The following SNX29 variants were observed in gnomAD, a reference collection of about 807,000 sequenced individuals.
SNX29 encodes sorting nexin 29, also known as sorting nexin-29.
In SNX29, 78 loss-of-function variants were observed where a neutral mutation model predicts 102.1. The observed-to-expected ratio is 0.76, with a 90% confidence interval of 0.64 to 0.92. SNX29 has a LOEUF of 0.92. SNX29 is among the 40% of genes least tolerant of loss of function. SNX29 has a pLI of 0.00. For missense variants in SNX29, 1,280 were observed against 1,061.7 expected (o/e 1.21, Z -2.86); for synonymous variants, 580 against 414.5 (o/e 1.40, Z -4.85).
chr16:12,126,701 C>T lies in SNX29; in HGVS notation c.1466+5C>T, dbSNP rs202008381. 5.0e-5 allele frequency: 81 copies of T among 1,613,704 alleles called. No homozygotes were observed. The highest frequency in any genetic ancestry group is 3.0e-4 in the Admixed American group (18 of 59,992). On this transcript the variant is annotated splice_donor_5th_base_variant and intron_variant, in intron 12 of 20. Coordinates refer to ENST00000566228, the MANE Select transcript of SNX29 (RefSeq NM_032167.5). Reference sequence around the variant, plus strand: ...TGAGCTGGAGGAGGAGAACAGGTACCGTGATTTTCAGGCTTGAGGAATAGC... The same window carrying T: ...TGAGCTGGAGGAGGAGAACAGGTACTGTGATTTTCAGGCTTGAGGAATAGC...
In SNX29 at chr16:11,982,187, T is replaced by C. The variant is rs1022742776; in HGVS notation, c.7+5374T>C. ...CAGGAAGAAAGATGCCTGCCAGACA[T>C]GTGTGGGTGGTTATTGTAGGGTGGT... On this transcript the variant is annotated intron_variant, in intron 1 of 20. Coordinates refer to ENST00000566228, the MANE Select transcript of SNX29 (RefSeq NM_032167.5). Among the ~76,000 whole-genome samples the C allele has an allele frequency of 3.3e-5, 5 of 151,872 alleles. No individual in the cohort carries two copies. In the East Asian group the frequency reaches 5.8e-4, roughly 18 times the overall value.
chr16:12,417,180 G>T (rs1490630187), intron 18 of SNX29, among the ~76,000 whole-genome samples: 4 of 152,222 alleles, frequency 2.6e-5, no homozygotes, highest in Admixed American at 6.5e-5. Context: ...GTATCTTACT[G>T]TTTATGAAAC....
At chr16:12,554,127 C>G (rs980744375) in intron 20 of SNX29, among the ~76,000 whole-genome samples, 1 of 152,174 alleles carries the variant, frequency 6.6e-6, no homozygotes, top group African/African-American at 2.4e-5. Context: ...CATGCCCAGC[C>G]TGGATGCTTT....
At chr16:12,495,275 C>A (rs1459287364) in intron 19 of SNX29, among the ~76,000 whole-genome samples, 1 of 152,158 alleles carries the variant, frequency 6.6e-6, no homozygotes, top group Non-Finnish European at 1.5e-5. Context: ...CCTCATCCTC[C>A]CAAGTAGTTG....
chr16:11,982,718 C>G (rs561935660), intron 1 of SNX29, among the ~76,000 whole-genome samples: 3 of 151,190 alleles, frequency 2.0e-5, no homozygotes, highest in Admixed American at 1.3e-4. Context: ...CGTGAGCCAC[C>G]GTGCCCGGTC....
intron 19 of SNX29, among the ~76,000 whole-genome samples, chr16:12,513,254 T>TCTCCC (rs1285992945): frequency 6.9e-6 from 1 of 145,542 alleles, no homozygotes; most frequent in East Asian, 2.1e-4. Context: ...TCTGTCCTCC[T>TCTCCC]CTCCCCTCCC....
intron 19 of SNX29, among the ~76,000 whole-genome samples, chr16:12,516,205 C>T (rs906478684): frequency 1.3e-5 from 2 of 152,082 alleles, no homozygotes; most frequent in African/African-American, 2.4e-5. Context: ...CGAGACCAGG[C>T]GTGGTGGCTC....
chr16:12,560,960 C>T (rs1040793321), intron 20 of SNX29: 1 of 211,954 alleles, frequency 4.7e-6, no homozygotes, highest in Middle Eastern at 1.5e-3. Context: ...AGACCCAGAC[C>T]TGCCTTCAAG....
chr16:12,014,685 T>G (rs1301236514), intron 3 of SNX29, among the ~76,000 whole-genome samples: 1 of 139,510 alleles, frequency 7.2e-6, no homozygotes, highest in Admixed American at 7.9e-5. Context: ...TGAGCCGAGA[T>G]CATGCCATTG....
intron 18 of SNX29, among the ~76,000 whole-genome samples, chr16:12,408,128 C>T (rs535796493): frequency 2.5e-4 from 38 of 150,518 alleles, no homozygotes; most frequent in South Asian, 2.1e-3. Flanking sequence ...ACTGCCACTC[C>T]GGCCTGGGTG....
intron 17 of SNX29, among the ~76,000 whole-genome samples, chr16:12,399,342 G>A (rs949229147): frequency 2.0e-5 from 3 of 152,276 alleles, no homozygotes; most frequent in African/African-American, 4.8e-5. Context: ...GGGAGCCACC[G>A]TGCCCAGCCG....
At chr16:12,306,510 G>C (rs780966862) in intron 15 of SNX29, among the ~76,000 whole-genome samples, 1 of 152,138 alleles carries the variant, frequency 6.6e-6, no homozygotes, top group Non-Finnish European at 1.5e-5. Context: ...GAGAATTAGC[G>C]TATTACAGAG....
Position 12,027,371 on chromosome 16 carries a change from G to A in SNX29, c.174G>A (p.Lys58=). The A allele has an allele frequency of 6.2e-7, 1 of 1,614,178 alleles. No homozygotes were observed. The highest frequency in any genetic ancestry group is 8.5e-7 in the Non-Finnish European group (1 of 1,180,014). Residue 58 remains lysine (K), a synonymous_variant, in exon 4 of 21, where the codon AAG becomes AAA. Coordinates refer to ENST00000566228, the MANE Select transcript of SNX29 (RefSeq NM_032167.5). ...AAGCCGTCCTGCAGCATGGCTTGAA[G>A]AGGAGTCGAGGATTGGCACTCACAG... ...QFEAVLQHGL[K]RSRGLALTAA...
intron 20 of SNX29, among the ~76,000 whole-genome samples, chr16:12,535,642 G>T (rs556703597): frequency 1.6e-4 from 25 of 152,294 alleles, no homozygotes; most frequent in African/African-American, 6.0e-4. Context: ...AGCACTTACA[G>T]AGCAGTCTTG....
intron 20 of SNX29, among the ~76,000 whole-genome samples, chr16:12,561,569 G>A (rs1009152371): frequency 6.6e-6 from 1 of 152,060 alleles, no homozygotes; most frequent in Admixed American, 6.5e-5. Context: ...AGTTGAGGCT[G>A]TCCGATTAAT....
At chr16:12,511,156 C>G (rs1340554951) in intron 19 of SNX29, among the ~76,000 whole-genome samples, 3 of 152,214 alleles carry the variant, frequency 2.0e-5, no homozygotes, top group African/African-American at 7.2e-5. Context: ...TATTTTGGTT[C>G]ACCCTATGTG....
Position 12,416,013 on chromosome 16 carries a change from C to T in SNX29, c.2037+12484C>T, listed in dbSNP as rs574877171. ...CTGAATGTGGCCAGGGCCGTACTGTCAGACACATGCATCTGCCTCAGTTAA... is the reference window on the plus strand; with the variant it reads ...CTGAATGTGGCCAGGGCCGTACTGTTAGACACATGCATCTGCCTCAGTTAA... On this transcript the variant is annotated intron_variant, in intron 18 of 20. Coordinates refer to ENST00000566228, the MANE Select transcript of SNX29 (RefSeq NM_032167.5). 3.3e-5 allele frequency among the ~76,000 whole-genome samples: 5 copies of T among 152,158 alleles called. No individual in the cohort carries two copies. The South Asian group carries it at 1.0e-3, about 32-fold the overall frequency.
chr16:12,355,858 A>T (rs1244936932), intron 15 of SNX29, among the ~76,000 whole-genome samples: 5 of 149,380 alleles, frequency 3.3e-5, no homozygotes, highest in African/African-American at 7.3e-5. Flanking sequence ...AAAAAAAAAA[A>T]AAAAAAAAAA....
intron 12 of SNX29, among the ~76,000 whole-genome samples, chr16:12,128,060 G>T (rs1003911061): frequency 2.6e-5 from 4 of 152,040 alleles, no homozygotes; most frequent in Admixed American, 1.3e-4. Flanking sequence ...CTTCTCTCTT[G>T]TCCTTTCTGG....
Sources: allele counts gnomAD v4.1 joint callset (sites outside exome capture counted in the v4.1 genomes callset), GRCh38; gene constraint gnomAD v4.1.1; transcripts MANE v1.5; gene names NCBI Gene and HGNC (gene_info 2026-07-23, HGNC 2026-07-21).